The following METTL24 variants were observed in gnomAD, a reference collection of about 807,000 sequenced individuals.
The protein encoded by METTL24 is probable methyltransferase-like protein 24.
In METTL24, 29 loss-of-function variants were observed where a neutral mutation model predicts 32.7. The ratio of observed to expected loss-of-function variants is 0.89; its 90% CI spans 0.66 to 1.21. METTL24 has a LOEUF of 1.21. Among genes scored for constraint, METTL24 ranks in the 50% most tolerant of loss-of-function variants. The pLI is 0.00. For missense variants in METTL24, 439 were observed against 468.1 expected (o/e 0.94, Z 0.57); for synonymous variants, 163 against 179.5 (o/e 0.91, Z 0.73).
intron 1 of METTL24, among the ~76,000 whole-genome samples, chr6:110,349,711 C>T (rs1183660584): frequency 1.3e-5 from 2 of 152,172 alleles, no homozygotes; most frequent in African/African-American, 4.8e-5. Flanking sequence ...CACCATGTTC[C>T]AAAATCTGTA....
At chr6:110,267,251 T>C (rs903306325) in intron 4 of METTL24, among the ~76,000 whole-genome samples, 1 of 152,084 alleles carries the variant, frequency 6.6e-6, no homozygotes, top group Non-Finnish European at 1.5e-5. Flanking sequence ...TATAAACAGA[T>C]GTATGGCTAA....
In METTL24 at chr6:110,267,140, T is replaced by C. The variant is rs141182579; in HGVS notation, c.787-20880A>G. On this transcript the variant is annotated intron_variant, in intron 4 of 4. Transcript: ENST00000338882. ...CCATGCAAGTGACAGGCCCTAAAGC[T>C]TGAGTTTCACTAAATTTATGGTAAG... 2.5e-3 allele frequency among the ~76,000 whole-genome samples: 379 copies of C among 152,320 alleles called. 3 individuals carry two copies. Among genetic ancestry groups the C allele is most frequent in the African/African-American group, 8.8e-3 (366 of 41,568 alleles).
At chr6:110,274,203 C>T (rs994595215) in intron 4 of METTL24, among the ~76,000 whole-genome samples, 6 of 152,160 alleles carry the variant, frequency 3.9e-5, no homozygotes, top group Non-Finnish European at 8.8e-5. Context: ...AGCGATTCTC[C>T]TCCCTCAGCC....
chr6:110,294,153 G>A (rs1771369229), intron 4 of METTL24, among the ~76,000 whole-genome samples: 1 of 151,884 alleles, frequency 6.6e-6, no homozygotes, highest in African/African-American at 2.4e-5. Context: ...GCAGAGATAA[G>A]TGTATGGTGA....
chr6:110,255,356 T>C (rs1423482408), intron 4 of METTL24, among the ~76,000 whole-genome samples: 1 of 151,854 alleles, frequency 6.6e-6, no homozygotes, highest in Admixed American at 6.6e-5. Context: ...CTGGGTGAGG[T>C]GATAGAATAC....
chr6:110,312,541 T>C (rs1349634085), intron 3 of METTL24, among the ~76,000 whole-genome samples: 1 of 152,186 alleles, frequency 6.6e-6, no homozygotes, highest in African/African-American at 2.4e-5. Flanking sequence ...ATCCTGTCAT[T>C]TGCAGCAACA....
At chr6:110,350,663 C>T (rs899496556) in intron 1 of METTL24, among the ~76,000 whole-genome samples, 1 of 151,866 alleles carries the variant, frequency 6.6e-6, no homozygotes, top group African/African-American at 2.4e-5. Context: ...CGGTGACTCA[C>T]ATCTGTAATC....
intron 1 of METTL24, among the ~76,000 whole-genome samples, chr6:110,353,697 C>T (rs1017072798): frequency 2.6e-5 from 4 of 151,812 alleles, no homozygotes; most frequent in Non-Finnish European, 4.4e-5. Flanking sequence ...AAAATATATC[C>T]GATAAGAGAG....
At chr6:110,338,012 T>G (rs1390426560) in intron 1 of METTL24, among the ~76,000 whole-genome samples, 1 of 152,166 alleles carries the variant, frequency 6.6e-6, no homozygotes, top group Non-Finnish European at 1.5e-5. Context: ...CAGAAATGAT[T>G]CCAAGGGACA....
At chr6:110,286,887 G>A (rs1408578797) in intron 4 of METTL24, among the ~76,000 whole-genome samples, 3 of 152,202 alleles carry the variant, frequency 2.0e-5, no homozygotes, top group South Asian at 4.1e-4. Context: ...GCGCTTGAAC[G>A]TCAGACTCCA....
rs150332130 is a variant in METTL24 at position 110,294,201 on chromosome 6, T to C, written c.786+4721A>G. 1.7e-3 allele frequency among the ~76,000 whole-genome samples: 257 copies of C among 152,094 alleles called. 2 individuals carry two copies. The highest frequency in any genetic ancestry group is 5.1e-3 in the African/African-American group (212 of 41,538). On this transcript the variant is annotated intron_variant, in intron 4 of 4. Transcript: ENST00000338882. ...GAGAGAAAGCAAATGTGGCAAAATA[T>C]TAACAAATGGTGAATTCCAGTGAAA...
At chr6:110,339,629 C>T (rs1033119682) in intron 1 of METTL24, among the ~76,000 whole-genome samples, 1 of 152,184 alleles carries the variant, frequency 6.6e-6, no homozygotes, top group Non-Finnish European at 1.5e-5. Context: ...ATCAGAACTC[C>T]AGCCAGGGGC....
At chr6:110,325,416 G>T (rs961912908) in intron 1 of METTL24, among the ~76,000 whole-genome samples, 2 of 152,164 alleles carry the variant, frequency 1.3e-5, no homozygotes, top group Non-Finnish European at 2.9e-5. Flanking sequence ...TTCCAATAAA[G>T]CTCCATTTAC....
chr6:110,252,622 TTA>T (rs1319322864), intron 4 of METTL24, among the ~76,000 whole-genome samples: 2 of 152,234 alleles, frequency 1.3e-5, no homozygotes, highest in Non-Finnish European at 2.9e-5. Context: ...ATACATCCTT[TTA>T]CTATTATGGC....
chr6:110,332,554 TA>T, intron 1 of METTL24: 4 of 868,972 alleles, frequency 4.6e-6, no homozygotes, highest in Non-Finnish European at 5.5e-6. Flanking sequence ...TTCATTGAGG[TA>T]GCACATCAAC....
intron 4 of METTL24, among the ~76,000 whole-genome samples, chr6:110,277,027 C>T (rs1490823208): frequency 6.6e-6 from 1 of 152,102 alleles, no homozygotes; most frequent in Admixed American, 6.5e-5. Flanking sequence ...CAGAAATGCA[C>T]CCATTCCAAC....
rs7766653 is a variant in METTL24, at chr6:110,244,208, T to A, written c.*1738A>T. ...CATTATTAGAGATAATGTATTTTTT[T>A]AAAAAAGATTTGACAGCATAGGCAA... On this transcript the variant is annotated 3_prime_UTR_variant, in exon 5 of 5. Transcript: ENST00000338882. Among the ~76,000 whole-genome samples the A allele has an allele frequency of 0.15, 22,860 of 151,988 alleles. 1,848 individuals are homozygous for A. Among genetic ancestry groups the A allele is most frequent in the African/African-American group, 0.22 (9,190 of 41,404 alleles).
intron 4 of METTL24, among the ~76,000 whole-genome samples, chr6:110,287,691 G>A (rs1771249140): frequency 6.6e-6 from 1 of 152,134 alleles, no homozygotes; most frequent in Non-Finnish European, 1.5e-5. Context: ...CCAAAGATAA[G>A]GTATTCAAAT....
intron 3 of METTL24, among the ~76,000 whole-genome samples, chr6:110,311,471 T>G (rs1771721277): frequency 7.5e-6 from 1 of 133,666 alleles, no homozygotes; most frequent in Non-Finnish European, 1.6e-5. Flanking sequence ...TTTCTTTGTT[T>G]TTTTTTTTTT....
Sources: allele counts gnomAD v4.1 joint callset (sites outside exome capture counted in the v4.1 genomes callset), GRCh38; gene constraint gnomAD v4.1.1; transcripts MANE v1.5; gene names NCBI Gene and HGNC (gene_info 2026-07-23, HGNC 2026-07-21).